DIP2A: variants seen among roughly 807,000 people sequenced by gnomAD.
DIP2A encodes DIP2 acetate--CoA ligase A, also known as disco-interacting protein 2 homolog A.
A neutral mutation model predicts 177.4 loss-of-function variants in DIP2A; 85 were observed. That is an observed-to-expected ratio of 0.48 (90% CI 0.40 to 0.57). DIP2A has a LOEUF of 0.57. Among genes scored for constraint, DIP2A ranks in the 20% least tolerant of loss-of-function variants. The pLI, the probability that DIP2A is intolerant of heterozygous loss-of-function variation, is 0.00. For missense variants in DIP2A, 1,791 were observed against 2,100.2 expected, an observed-to-expected ratio of 0.85 and a Z score of 2.88; for synonymous variants, 886 against 881.8, an observed-to-expected ratio of 1.00 and a Z score of -0.08.
intron 9 of DIP2A, among the ~76,000 whole-genome samples, chr21:46,530,869 T>C (rs180948711): frequency 7.2e-4 from 110 of 152,284 alleles, no homozygotes; most frequent in African/African-American, 2.6e-3. Context: ...TTTTGGGATT[T>C]CTCATTGGTA....
Position 46,567,651 on chromosome 21 carries a change from A to T in DIP2A, c.*29A>T. 6.4e-7 allele frequency: 1 copy of T among 1,557,236 alleles called. No individual in the cohort carries two copies. Among genetic ancestry groups the T allele is most frequent in the Non-Finnish European group, 8.7e-7 (1 of 1,149,484 alleles). Reference sequence around the variant, plus strand: ...CAGCACACCGGCCCAGGTGCCGGAGATGAATGAGCCCCAGCAGTCCAAGGT... The same window carrying T: ...CAGCACACCGGCCCAGGTGCCGGAGTTGAATGAGCCCCAGCAGTCCAAGGT... On this transcript the variant is annotated 3_prime_UTR_variant, in exon 38 of 38. Transcript: ENST00000417564.
At chr21:46,513,772 G>C (rs1041209871) in intron 8 of DIP2A, among the ~76,000 whole-genome samples, 1 of 152,046 alleles carries the variant, frequency 6.6e-6, no homozygotes, top group Admixed American at 6.6e-5. Context: ...ATGCTCATTG[G>C]AGCATTTTGG....
chr21:46,540,708 AG>A (rs1420033579), intron 17 of DIP2A, among the ~76,000 whole-genome samples: 4 of 152,150 alleles, frequency 2.6e-5, no homozygotes, highest in African/African-American at 9.7e-5. Context: ...ACTAACCCTA[AG>A]TTTTTAAAAG....
At chr21:46,464,616 T>C (rs1266656842) in intron 1 of DIP2A, among the ~76,000 whole-genome samples, 3 of 152,068 alleles carry the variant, frequency 2.0e-5, no homozygotes, top group Non-Finnish European at 4.4e-5. Context: ...TGTCATCCCA[T>C]GGTGGAAGGT....
At chr21:46,553,428 GAGGA>G (rs1159821160) in intron 25 of DIP2A, 1 of 152,336 alleles carries the variant, frequency 6.6e-6, no homozygotes, top group Non-Finnish European at 1.5e-5. Context: ...GGGGATCAGG[GAGGA>G]TGAGTGTCCT....
chr21:46,539,808 T>C, intron 16 of DIP2A, 69 bp from the exon 17 acceptor site: 1 of 1,316,754 alleles, frequency 7.6e-7, no homozygotes. Flanking sequence ...AACTTGAGCA[T>C]GTCCAGCCAC....
intron 1 of DIP2A, among the ~76,000 whole-genome samples, chr21:46,463,400 GTTCT>G (rs1405492865): frequency 6.6e-6 from 1 of 152,162 alleles, no homozygotes; most frequent in African/African-American, 2.4e-5. Flanking sequence ...GTGGTATTTT[GTTCT>G]TTGTTTTAAT....
Position 46,460,197 on chromosome 21 carries a change from A to G in DIP2A, c.91+975A>G, listed in dbSNP as rs142850456. Reference sequence around the variant, plus strand: ...GCCCCCTCATGGAATTTTTTAAAGTAAAAAAAAAAAGTCGTATAAATGGTT... The same window carrying G: ...GCCCCCTCATGGAATTTTTTAAAGTGAAAAAAAAAAGTCGTATAAATGGTT... On this transcript the variant is annotated intron_variant, in intron 1 of 37. Coordinates refer to ENST00000417564, the MANE Select transcript of DIP2A (RefSeq NM_015151.4). 3.9e-3 allele frequency among the ~76,000 whole-genome samples: 567 copies of G among 146,030 alleles called. 15 individuals are homozygous for G. The East Asian group carries it at 0.075, about 19-fold the overall frequency.
intron 36 of DIP2A, 150 bp downstream of exon 36, chr21:46,566,037 C>T (rs971494871): frequency 1.3e-5 from 13 of 976,724 alleles, no homozygotes; most frequent in Non-Finnish European, 2.0e-5. Context: ...GCAGTTTTCT[C>T]TGAAAATACT....
At chr21:46,501,529 C>T (rs2057649944) in intron 5 of DIP2A, among the ~76,000 whole-genome samples, 1 of 152,096 alleles carries the variant, frequency 6.6e-6, no homozygotes, top group African/African-American at 2.4e-5. Context: ...AAGAAATTCT[C>T]CCACCTTAGC....
At chr21:46,550,055 G>T in intron 22 of DIP2A, 170 bp downstream of exon 22, 1 of 1,415,650 alleles carries the variant, frequency 7.1e-7, no homozygotes, top group Non-Finnish European at 9.3e-7. Context: ...TGTATTTACG[G>T]GATACAAAGT....
chr21:46,503,612 C>CTTCCTTCCTT (rs2057791772), intron 5 of DIP2A, among the ~76,000 whole-genome samples: 1 of 79,658 alleles, frequency 1.3e-5, no homozygotes, highest in South Asian at 4.4e-4. Flanking sequence ...TCCTTCCTTC[C>CTTCCTTCCTT]TTTCTTTCTT....
rs1452721676 is a variant in DIP2A at position 46,563,052 on chromosome 21, G to A, written c.4090-806G>A. On this transcript the variant is annotated intron_variant, in intron 34 of 37. Transcript: ENST00000417564. The surrounding 1 kb of genome is among the most constrained non-coding windows in gnomAD (Gnocchi z 4.3). Reference sequence around the variant, plus strand: ...TTTGCTGTTACAATCACTTGGGCCTGATAGGTTTGTGTCCTGGAAAGAGCT... The same window carrying A: ...TTTGCTGTTACAATCACTTGGGCCTAATAGGTTTGTGTCCTGGAAAGAGCT... 6.6e-6 allele frequency among the ~76,000 whole-genome samples: 1 copy of A among 152,206 alleles called. No individual in the cohort carries two copies. Among genetic ancestry groups the A allele is most frequent in the Non-Finnish European group, 1.5e-5 (1 of 68,046 alleles).
intron 3 of DIP2A, among the ~76,000 whole-genome samples, chr21:46,495,228 TC>T (rs1406370451): frequency 0.022 from 1,619 of 73,014 alleles, 22 homozygotes; most frequent in African/African-American, 0.058. Flanking sequence ...TCTTCTCTTC[TC>T]TTCTCTTCTC....
intron 21 of DIP2A, 186 bp downstream of exon 21, chr21:46,547,228 C>T: frequency 1.4e-6 from 2 of 1,388,186 alleles, no homozygotes; most frequent in Non-Finnish European, 1.9e-6. Context: ...AATATCCTTA[C>T]TGTCCAAAGA....
intron 2 of DIP2A, among the ~76,000 whole-genome samples, chr21:46,485,229 A>G (rs902618550): frequency 1.5e-5 from 2 of 131,562 alleles, no homozygotes; most frequent in African/African-American, 3.0e-5. Flanking sequence ...CATCATTTCA[A>G]TAGGTTTTGT....
At chr21:46,460,150 A>T (rs2148194754) in intron 1 of DIP2A, among the ~76,000 whole-genome samples, 1 of 152,356 alleles carries the variant, frequency 6.6e-6, no homozygotes, top group East Asian at 1.9e-4. Context: ...TATGCAAAGC[A>T]CATAACACTT....
chr21:46,509,732 AT>A lies in DIP2A; in HGVS notation c.904+360del, dbSNP rs372256958. Reference sequence around the variant, plus strand: ...AGCATAGATTTGGCTGCTTTTCAGAATTTTAGCCTCTCATATGTGAATGAAA... The same window carrying A: ...AGCATAGATTTGGCTGCTTTTCAGAATTTAGCCTCTCATATGTGAATGAAA... On this transcript the variant is annotated intron_variant, in intron 7 of 37. Transcript: ENST00000417564. Among the ~76,000 whole-genome samples, 37 of 152,262 alleles carry A rather than the reference AT, an allele frequency of 2.4e-4. No homozygotes were observed. In the East Asian group the frequency reaches 6.8e-3, roughly 28 times the overall value.
chr21:46,526,428 T>A (rs1318828920), intron 8 of DIP2A, among the ~76,000 whole-genome samples: 1 of 150,080 alleles, frequency 6.7e-6, no homozygotes, highest in African/African-American at 2.5e-5. Context: ...AGAGTTTCGC[T>A]TTGTTGTCCA....
Sources: allele counts gnomAD v4.1 joint callset (sites outside exome capture counted in the v4.1 genomes callset), GRCh38; gene constraint gnomAD v4.1.1; non-coding constraint Gnocchi (gnomAD v3.1); transcripts MANE v1.5; gene names NCBI Gene and HGNC (gene_info 2026-07-23, HGNC 2026-07-21).